CSTF3: variants seen among roughly 807,000 people sequenced by gnomAD.
CSTF3 encodes the protein CF-1 77 kDa subunit.
A neutral mutation model predicts 105.8 loss-of-function variants in CSTF3; 29 were observed. That is an observed-to-expected ratio of 0.27 (90% confidence interval 0.20 to 0.37). The LOEUF is 0.37. Ranked by LOEUF, CSTF3 falls within the 10% of genes least tolerant of loss-of-function variation. The probability of loss-of-function intolerance (pLI) is 1.00; values close to 1 mark genes in which losing one functional copy is unlikely to be tolerated. For missense variants in CSTF3, 357 were observed against 879.3 expected (o/e 0.41, Z 7.51); for synonymous variants, 252 against 281.9 (o/e 0.89, Z 1.06).
chr11:33,102,391 T>C (rs1855288905), intron 9 of CSTF3, 52 bp from the exon 10 acceptor site: 2 of 1,573,200 alleles, frequency 1.3e-6, no homozygotes, highest in African/African-American at 2.7e-5. Context: ...AACTGAGATA[T>C]ATGGCGGATG....
intron 3 of CSTF3, among the ~76,000 whole-genome samples, chr11:33,131,418 T>C (rs1299791796): frequency 6.6e-6 from 1 of 152,214 alleles, no homozygotes; most frequent in African/African-American, 2.4e-5. Context: ...AAAGAGTCAG[T>C]TATAAACCTA....
chr11:33,088,289 CTTT>C (rs951194279), intron 17 of CSTF3, among the ~76,000 whole-genome samples: 5 of 140,974 alleles, frequency 3.5e-5, no homozygotes, highest in African/African-American at 5.3e-5. Flanking sequence ...TACTTACTCT[CTTT>C]TTTTTTTTTT....
chr11:33,133,222 C>T (rs1480805383), intron 3 of CSTF3, among the ~76,000 whole-genome samples: 1 of 152,082 alleles, frequency 6.6e-6, no homozygotes, highest in Non-Finnish European at 1.5e-5. Context: ...ACTCAATAAA[C>T]ATATTGAAAA....
chr11:33,130,935 G>A (rs1257723904), intron 3 of CSTF3, among the ~76,000 whole-genome samples: 1 of 152,074 alleles, frequency 6.6e-6, no homozygotes, highest in African/African-American at 2.4e-5. Flanking sequence ...AGGCTGAGGT[G>A]GGAGGATCAC....
intron 1 of CSTF3, among the ~76,000 whole-genome samples, chr11:33,148,534 TA>T (rs1405875025): frequency 6.8e-6 from 1 of 146,806 alleles, no homozygotes; most frequent in African/African-American, 2.4e-5. Context: ...CCGTCTCTAC[TA>T]AAAATACAAA....
At chr11:33,111,048 G>A (rs539369076) in intron 3 of CSTF3, among the ~76,000 whole-genome samples, 2 of 152,194 alleles carry the variant, frequency 1.3e-5, no homozygotes, top group Admixed American at 1.3e-4. Flanking sequence ...GGCCAACAGA[G>A]TGAAACCCCG....
chr11:33,136,590 T>C lies in CSTF3; in HGVS notation c.225+5077A>G, dbSNP rs145607749. Among the ~76,000 whole-genome samples the C allele has an allele frequency of 8.5e-5, 13 of 152,098 alleles. No individual in the cohort carries two copies. In the East Asian group the frequency reaches 1.7e-3, roughly 20 times the overall value. ...AAGCTTTTGACTTAAACTGGTCCTT[T>C]TGTTTTATAAAGGAAAGTCAATTGC... is the stretch of plus-strand genomic sequence containing the variant. On this transcript the variant is annotated intron_variant, in intron 3 of 20. Coordinates refer to ENST00000323959, the MANE Select transcript of CSTF3 (RefSeq NM_001326.3).
At position 33,101,490 on chromosome 11, in the gene CSTF3, A is replaced by G. The variant is rs539919443; in HGVS notation, c.826+687T>C. On this transcript the variant is annotated intron_variant, in intron 10 of 20. Transcript: ENST00000323959. ...TCTTAGGAGTAAAGACTATGTCCCA[A>G]GAATAAGGTATTTAATCTGAGATTA... Among the ~76,000 whole-genome samples, 220 of 152,344 alleles carry G rather than the reference A, an allele frequency of 1.4e-3. 1 individual carries two copies. The highest frequency in any genetic ancestry group is 6.8e-3 in the Middle Eastern group (2 of 294).
rs1590258965 is a variant in CSTF3, at chr11:33,085,404, A to G, written c.1952-115T>C. 1.1e-5 allele frequency: 9 copies of G among 804,976 alleles called. No individual in the cohort carries two copies. In the East Asian group the frequency reaches 2.2e-4, roughly 19 times the overall value. The allele number at this position is 804,976 out of a possible 1,614,324, so 49.9% of individuals were successfully genotyped here. ...CTATTTTAGCAAAACATGGGATAGT[A>G]CTACTGATACTAAATAATTAAAGAA... On this transcript the variant is annotated intron_variant, in intron 20 of 20. Transcript: ENST00000323959.
intron 10 of CSTF3, among the ~76,000 whole-genome samples, chr11:33,101,183 G>C (rs746242772): frequency 6.6e-6 from 1 of 152,114 alleles, no homozygotes; most frequent in Non-Finnish European, 1.5e-5. Flanking sequence ...TTACTGTCTT[G>C]AAGTAACATG....
chr11:33,161,190 C>T (rs1849937309), intron 1 of CSTF3, 109 bp downstream of exon 1: 1 of 1,206,934 alleles, frequency 8.3e-7, no homozygotes, highest in Non-Finnish European at 1.2e-6. Context: ...ACCCTGTCCC[C>T]CGGGTTCACT....
Position 33,102,218 on chromosome 11 carries a change from T to A in CSTF3, c.785A>T (p.Asn262Ile), listed in dbSNP as rs1474802559. The part of the protein sequence containing the change: ...WKKYIQWEKS[N>I]PLRTEDQTLI... ...GGTCTGATCCTCTGTACGAAGAGGG[T>A]TGCTCTTTTCCCACTGTATATATTT... The change falls in exon 10 of 21, where the codon AAC (asparagine) becomes ATC (isoleucine). Residue 262 changes from asparagine (N) to isoleucine (I), a missense_variant. Asn to Ile is a moderately radical substitution (Grantham distance 149, BLOSUM62 -3). Around this residue, in one of 4 missense-constraint regions of CSTF3, gnomAD observed 206 missense variants for 576.5 expected, o/e 0.36. Coordinates refer to ENST00000323959, the MANE Select transcript of CSTF3 (RefSeq NM_001326.3). 1 of 1,613,984 alleles carries A rather than the reference T, an allele frequency of 6.2e-7. No individual in the cohort carries two copies.
At chr11:33,147,229 C>T (rs906837326) in intron 1 of CSTF3, among the ~76,000 whole-genome samples, 1 of 151,742 alleles carries the variant, frequency 6.6e-6, no homozygotes, top group African/African-American at 2.4e-5. Flanking sequence ...CCCAGGAGTT[C>T]AAGGTTGCAG....
At chr11:33,161,122 TA>T (rs879743369) in intron 1 of CSTF3, among the ~76,000 whole-genome samples, 176 bp downstream of exon 1, 57 of 144,842 alleles carry the variant, frequency 3.9e-4, no homozygotes, top group East Asian at 3.0e-3. Flanking sequence ...GAGAGAGAAG[TA>T]AAAAAAAAAA....
At chr11:33,139,504 T>C (rs1855687675) in intron 3 of CSTF3, among the ~76,000 whole-genome samples, 1 of 151,874 alleles carries the variant, frequency 6.6e-6, no homozygotes, top group Admixed American at 6.6e-5. Context: ...ATGGCCACAT[T>C]GAGTGATATG....
At chr11:33,154,169 T>C (rs1849825163) in intron 1 of CSTF3, among the ~76,000 whole-genome samples, 2 of 152,220 alleles carry the variant, frequency 1.3e-5, no homozygotes, top group South Asian at 4.1e-4. Context: ...CAAACGAAGA[T>C]TCTCAGCCCC....
chr11:33,150,549 A>G (rs183648411), intron 1 of CSTF3, among the ~76,000 whole-genome samples: 27 of 152,268 alleles, frequency 1.8e-4, no homozygotes, highest in African/African-American at 6.0e-4. Context: ...ACCATGTACA[A>G]CTGGCTAAAA....
intron 3 of CSTF3, among the ~76,000 whole-genome samples, chr11:33,127,533 C>G (rs893917831): frequency 8.5e-5 from 13 of 152,080 alleles, no homozygotes; most frequent in Non-Finnish European, 1.8e-4. Context: ...CTCATACCAC[C>G]TAGGTAGGCA....
At position 33,086,882 on chromosome 11, in the gene CSTF3, ATAAT is replaced by A. The variant is rs1186982833; in HGVS notation, c.1795+102_1795+105del. ...ACTTGTCATAGTGATCCTAAGTCTAATAATTAACCCACAATTGAGAGGCCATGTC... is the reference window on the plus strand; with the variant it reads ...ACTTGTCATAGTGATCCTAAGTCTAATAACCCACAATTGAGAGGCCATGTC... On this transcript the variant is annotated intron_variant, in intron 18 of 20. Coordinates refer to ENST00000323959, the MANE Select transcript of CSTF3 (RefSeq NM_001326.3). The A allele has an allele frequency of 2.2e-4, 282 of 1,259,892 alleles. 5 individuals carry two copies. The Admixed American group carries it at 4.7e-3, about 21-fold the overall frequency. 78.0% of individuals were successfully genotyped at this position (1,259,892 alleles called of 1,614,324 possible).
Sources: allele counts gnomAD v4.1 joint callset (sites outside exome capture counted in the v4.1 genomes callset), GRCh38; gene constraint gnomAD v4.1.1; regional missense constraint gnomAD v4.1.1; transcripts MANE v1.5; gene names NCBI Gene and HGNC (gene_info 2026-07-23, HGNC 2026-07-21).